Variants in PALM2AKAP2 observed in about 807,000 individuals in gnomAD.
PALM2AKAP2 encodes the protein PALM2 and AKAP2 fusion, also known as PALM2-AKAP2 fusion protein.
Under a neutral mutation model 71.5 loss-of-function variants are expected in PALM2AKAP2, and 37 were observed. That is an observed-to-expected ratio of 0.52 (90% CI 0.40 to 0.68). The LOEUF (loss-of-function observed/expected upper bound fraction) is 0.68. PALM2AKAP2 is among the 30% of genes least tolerant of loss of function. The pLI, the probability that PALM2AKAP2 is intolerant of heterozygous loss-of-function variation, is 0.00. For missense variants in PALM2AKAP2, 1,224 were observed against 1,191.8 expected (o/e 1.03, Z -0.40); for synonymous variants, 468 against 478.8 (o/e 0.98, Z 0.29).
At chr9:109,841,308 T>C (rs1418812129) in intron 1 of PALM2AKAP2, among the ~76,000 whole-genome samples, 3 of 148,322 alleles carry the variant, frequency 2.0e-5, no homozygotes, top group Admixed American at 6.7e-5. Context: ...TAGGTGGGAA[T>C]TGAACAATGA....
At chr9:110,119,116 G>A (rs1835426992) in intron 1 of PALM2AKAP2, among the ~76,000 whole-genome samples, 1 of 151,966 alleles carries the variant, frequency 6.6e-6, no homozygotes, top group Non-Finnish European at 1.5e-5. Context: ...AGGCCGAAGT[G>A]GGCAAATCAT....
chr9:109,933,227 C>T (rs1452034846), intron 6 of PALM2AKAP2, among the ~76,000 whole-genome samples: 2 of 152,220 alleles, frequency 1.3e-5, no homozygotes, highest in Admixed American at 1.3e-4. Flanking sequence ...TGCAGTTATG[C>T]TTCAAAGGAC....
intron 1 of PALM2AKAP2, among the ~76,000 whole-genome samples, chr9:109,654,644 G>A (rs1049621841): frequency 6.6e-6 from 1 of 152,010 alleles, no homozygotes; most frequent in Non-Finnish European, 1.5e-5. Flanking sequence ...GAAATTAAAA[G>A]CATTTTGTTA....
intron 6 of PALM2AKAP2, among the ~76,000 whole-genome samples, chr9:109,997,216 G>A (rs1302270878): frequency 6.6e-6 from 1 of 151,964 alleles, no homozygotes; most frequent in Non-Finnish European, 1.5e-5. Context: ...ATATAATAAA[G>A]TAATAAAAAG....
At chr9:109,740,206 G>A (rs1425612510) in intron 1 of PALM2AKAP2, among the ~76,000 whole-genome samples, 1 of 152,200 alleles carries the variant, frequency 6.6e-6, no homozygotes, top group African/African-American at 2.4e-5. Flanking sequence ...GCCAGGTACT[G>A]TTCTAGCTGC....
chr9:109,764,913 C>A (rs1829125029), intron 1 of PALM2AKAP2, among the ~76,000 whole-genome samples: 1 of 152,174 alleles, frequency 6.6e-6, no homozygotes, highest in South Asian at 2.1e-4. Context: ...ATGAGAAGAC[C>A]TGAGCAGTTA....
chr9:109,966,466 C>T (rs929336937), intron 6 of PALM2AKAP2, among the ~76,000 whole-genome samples: 9 of 152,208 alleles, frequency 5.9e-5, no homozygotes, highest in African/African-American at 1.9e-4. Context: ...GCTTGTGTGA[C>T]CTTGAGTGAA....
intron 3 of PALM2AKAP2, among the ~76,000 whole-genome samples, chr9:109,907,221 A>G (rs901180851): frequency 6.6e-6 from 1 of 152,206 alleles, no homozygotes; most frequent in Admixed American, 6.5e-5. Context: ...TGTGCACTGC[A>G]TTGTAACTAT....
chr9:109,905,380 A>G (rs1437828158), intron 3 of PALM2AKAP2, among the ~76,000 whole-genome samples: 1 of 128,072 alleles, frequency 7.8e-6, no homozygotes, highest in African/African-American at 3.5e-5. Context: ...TTCTGCCTCA[A>G]CACCATCTGT....
At chr9:110,116,888 C>A (rs996702323) in intron 1 of PALM2AKAP2, among the ~76,000 whole-genome samples, 25 of 152,168 alleles carry the variant, frequency 1.6e-4, no homozygotes, top group Non-Finnish European at 2.6e-4. Context: ...TTCACTGTGG[C>A]TCTATGAAAG....
At chr9:109,750,074 G>A (rs1828862025) in intron 1 of PALM2AKAP2, among the ~76,000 whole-genome samples, 1 of 152,168 alleles carries the variant, frequency 6.6e-6, no homozygotes. Context: ...AATTGAAATT[G>A]TAGGTAAACC....
intron 1 of PALM2AKAP2, among the ~76,000 whole-genome samples, chr9:110,094,147 A>G (rs1037324493): frequency 6.6e-6 from 1 of 152,210 alleles, no homozygotes; most frequent in Admixed American, 6.5e-5. Flanking sequence ...TGCACTGGCA[A>G]CATTGTTGGA....
chr9:110,059,359 T>C (rs983983500), intron 1 of PALM2AKAP2, among the ~76,000 whole-genome samples: 1 of 152,060 alleles, frequency 6.6e-6, no homozygotes, highest in South Asian at 2.1e-4. Flanking sequence ...TAAAACAGAG[T>C]TGGTGTTTTT....
chr9:109,645,998 G>A (rs1185660792), intron 1 of PALM2AKAP2, among the ~76,000 whole-genome samples: 1 of 151,974 alleles, frequency 6.6e-6, no homozygotes, highest in African/African-American at 2.4e-5. Context: ...TCCAAAGCAA[G>A]CAGAAAAAGA....
chr9:110,076,899 G>A (rs1250831148), intron 1 of PALM2AKAP2, among the ~76,000 whole-genome samples: 1 of 152,152 alleles, frequency 6.6e-6, no homozygotes, highest in Non-Finnish European at 1.5e-5. Flanking sequence ...TATGGATAGA[G>A]CTTTAATGTT....
At position 110,097,570 on chromosome 9, in the gene PALM2AKAP2, G is replaced by C. The variant is rs576553436; in HGVS notation, c.157-38557G>C. 4.1e-3 allele frequency among the ~76,000 whole-genome samples: 605 copies of C among 148,464 alleles called. 2 individuals carry two copies. Among genetic ancestry groups the C allele is most frequent in the African/African-American group, 0.014 (566 of 39,490 alleles). On this transcript the variant is annotated intron_variant, in intron 1 of 3. Coordinates refer to ENST00000374525, the Ensembl canonical transcript of PALM2AKAP2. ...CCCACATCTCAGGCGATGGGTGGCC[G>C]GGCAGAGACGCTCCTCACTTCCTAG...
chr9:109,844,931 A>ATGTGTG (rs71373945), intron 1 of PALM2AKAP2, among the ~76,000 whole-genome samples: 15,990 of 149,310 alleles, frequency 0.11, 1,044 homozygotes, highest in East Asian at 0.24. Context: ...CCAGAAAATG[A>ATGTGTG]TGTGTGTGTG....
intron 1 of PALM2AKAP2, among the ~76,000 whole-genome samples, chr9:109,774,911 T>C (rs990074819): frequency 1.3e-5 from 2 of 152,236 alleles, no homozygotes; most frequent in African/African-American, 2.4e-5. Context: ...ATCTACCTCC[T>C]ACTTCCTAAT....
chr9:109,780,375 G>T, upstream of PALM2AKAP2: 2 of 1,598,812 alleles, frequency 1.3e-6, no homozygotes, highest in South Asian at 2.2e-5. Flanking sequence ...AGCCGTCCCT[G>T]GGCGTTCTCC....
Sources: allele counts gnomAD v4.1 joint callset (sites outside exome capture counted in the v4.1 genomes callset), GRCh38; gene constraint gnomAD v4.1.1; transcripts MANE v1.5; gene names NCBI Gene and HGNC (gene_info 2026-07-23, HGNC 2026-07-21).